Variants in ZC3H3 observed in about 807,000 individuals in gnomAD.
ZC3H3 encodes the protein zinc finger CCCH domain-containing protein 3.
A neutral mutation model predicts 77.3 loss-of-function variants in ZC3H3; 36 were observed. The observed-to-expected ratio is 0.47, with a 90% CI of 0.36 to 0.61. The LOEUF is 0.61. Ranked by LOEUF, ZC3H3 falls within the 20% of genes least tolerant of loss-of-function variation. ZC3H3 has a pLI of 0.00. For missense variants in ZC3H3, 1,331 were observed against 1,312.2 expected (o/e 1.01, Z -0.22); for synonymous variants, 626 against 555.2 (o/e 1.13, Z -1.79).
intron 3 of ZC3H3, among the ~76,000 whole-genome samples, chr8:143,532,134 T>C (rs1334808016): frequency 6.6e-6 from 1 of 152,272 alleles, no homozygotes; most frequent in African/African-American, 2.4e-5. Context: ...CCACTTGAAA[T>C]GAACAGGGGA....
At chr8:143,522,168 T>A (rs1416465359) in intron 3 of ZC3H3, among the ~76,000 whole-genome samples, 1 of 152,196 alleles carries the variant, frequency 6.6e-6, no homozygotes, top group Non-Finnish European at 1.5e-5. Flanking sequence ...TGTGGCCTCA[T>A]CAGAGCCTGG....
Position 143,440,177 on chromosome 8 carries a change from G to A in ZC3H3, c.2679C>T (p.Leu893=), listed in dbSNP as rs146768944. 70 of 1,612,078 alleles carry A rather than the reference G, an allele frequency of 4.3e-5. No homozygotes were observed. In the African/African-American group the frequency reaches 8.7e-4, roughly 20 times the overall value. Residue 893 remains leucine (L), a synonymous_variant, in exon 11 of 12, where the codon CTC becomes CTT. Transcript: ENST00000262577. Reference sequence around the variant, plus strand: ...ACGCTGCTGCTAAGGCAGCCTCCTGGAGAGATGGTGCCTCGTGGTCCAAGG... The same window carrying A: ...ACGCTGCTGCTAAGGCAGCCTCCTGAAGAGATGGTGCCTCGTGGTCCAAGG... ...PASLDHEAPS[L]QEAALAAACS...
At chr8:143,511,093 G>T (rs1240071641) in intron 3 of ZC3H3, among the ~76,000 whole-genome samples, 1 of 152,242 alleles carries the variant, frequency 6.6e-6, no homozygotes, top group Admixed American at 6.5e-5. Flanking sequence ...CATCAGCAGG[G>T]TTTGAGCTCT....
At chr8:143,451,651 G>A (rs1291752141) in intron 9 of ZC3H3, among the ~76,000 whole-genome samples, 2 of 152,010 alleles carry the variant, frequency 1.3e-5, no homozygotes, top group Non-Finnish European at 2.9e-5. Flanking sequence ...TTGCATGGTG[G>A]TGCACACCTG....
chr8:143,484,892 G>A (rs1017555595), intron 4 of ZC3H3: 6 of 455,366 alleles, frequency 1.3e-5, no homozygotes, highest in African/African-American at 1.0e-4. Context: ...TCAGCTCCCT[G>A]GAAAGGCGTG....
rs566613895 is a variant in ZC3H3, at chr8:143,538,598, G to C, written c.769C>G (p.Pro257Ala). 5.6e-6 allele frequency: 9 copies of C among 1,610,120 alleles called. No individual in the cohort carries two copies. The highest frequency in any genetic ancestry group is 3.3e-5 in the South Asian group (3 of 91,084). Residue 257 changes from proline to alanine, a missense_variant, in exon 2 of 12, where the codon CCA becomes GCA. Pro to Ala is a conservative substitution (Grantham distance 27). Coordinates refer to ENST00000262577, the MANE Select transcript of ZC3H3 (RefSeq NM_015117.3). ...ACTCTCCTGTCCCCAAGGAGCTGTG[G>C]AGCACAGCTGGCCACGGAATGAGAA... Reference protein sequence around the residue: ...LGSHSVASCAPQLLGDRRVDA... With the variant: ...LGSHSVASCAAQLLGDRRVDA...
At chr8:143,478,478 G>A (rs1226505172) in intron 4 of ZC3H3, among the ~76,000 whole-genome samples, 5 of 152,170 alleles carry the variant, frequency 3.3e-5, no homozygotes, top group Admixed American at 6.5e-5. Context: ...GGCCTGGCTG[G>A]GCACTACAGC....
At chr8:143,443,999 G>C (rs1399718324) in intron 9 of ZC3H3, among the ~76,000 whole-genome samples, 1 of 144,890 alleles carries the variant, frequency 6.9e-6, no homozygotes, top group African/African-American at 2.6e-5. Flanking sequence ...TTCTGAGACA[G>C]AGTCTTGCTC....
chr8:143,538,217 GGCTGGAGGCCTTCCACTTGTACTT>G lies in ZC3H3; in HGVS notation c.1126_1149del (p.Lys376_Ser383del), dbSNP rs1563889836. ...AAGGAGGAAGAGGAGGAGGCAGAGG[GGCTGGAGGCCTTCCACTTGTACTT>G]GCTGGGGGCAGACCCTGGCTTGGAG... On this transcript the variant is annotated inframe_deletion, in exon 2 of 12. Coordinates refer to ENST00000262577, the MANE Select transcript of ZC3H3 (RefSeq NM_015117.3). The G allele has an allele frequency of 1.2e-6, 2 of 1,613,028 alleles. No individual in the cohort carries two copies.
At chr8:143,464,101 C>T (rs1287652247) in intron 9 of ZC3H3, among the ~76,000 whole-genome samples, 6 of 152,270 alleles carry the variant, frequency 3.9e-5, no homozygotes, top group African/African-American at 9.6e-5. Context: ...AATTAACCCT[C>T]GCAGGCCCGG....
At chr8:143,513,098 T>C (rs1412248752) in intron 3 of ZC3H3, among the ~76,000 whole-genome samples, 2 of 151,942 alleles carry the variant, frequency 1.3e-5, no homozygotes, top group African/African-American at 4.8e-5. Flanking sequence ...CTGGGGGCAC[T>C]GGGAGTCAGG....
intron 9 of ZC3H3, among the ~76,000 whole-genome samples, chr8:143,448,656 G>A (rs922732151): frequency 1.3e-5 from 2 of 152,214 alleles, no homozygotes; most frequent in African/African-American, 2.4e-5. Context: ...CTGAGTGCCT[G>A]CAGCTTTTCC....
intron 4 of ZC3H3, among the ~76,000 whole-genome samples, chr8:143,483,506 C>T (rs1820965093): frequency 6.6e-6 from 1 of 152,134 alleles, no homozygotes; most frequent in African/African-American, 2.4e-5. Flanking sequence ...AGACAGAGTC[C>T]CTCATGGGAG....
chr8:143,481,271 G>C (rs557381126), intron 4 of ZC3H3, among the ~76,000 whole-genome samples: 1 of 152,212 alleles, frequency 6.6e-6, no homozygotes, highest in African/African-American at 2.4e-5. Context: ...AGTGGGGCCA[G>C]AGACCCTCAT....
Position 143,538,055 on chromosome 8 carries a change from C to G in ZC3H3, c.1312G>C (p.Ala438Pro), listed in dbSNP as rs754913575. ...KPLSGETPLS[A>P]YKVKSRTKII... The stretch of plus-strand genomic sequence containing the variant: ...TTGGTGCGGCTCTTCACTTTGTAAG[C>G]CGAGAGCGGGGTCTCCCCAGAGAGG... The change falls in exon 2 of 12, where the codon GCT becomes CCT. Residue 438 changes from alanine (A) to proline (P), a missense_variant. Transcript: ENST00000262577. The G allele has an allele frequency of 6.2e-7, 1 of 1,612,226 alleles. No homozygotes were observed. The highest frequency in any genetic ancestry group is 1.1e-5 in the South Asian group (1 of 90,968).
At chr8:143,484,709 G>A (rs1047402684) in intron 4 of ZC3H3, 6 of 248,196 alleles carry the variant, frequency 2.4e-5, no homozygotes, top group Non-Finnish European at 2.5e-5. Flanking sequence ...CTGGGTCATC[G>A]GCCCAGGACC....
rs1823015131 is a variant in ZC3H3 at position 143,541,424 on chromosome 8, C to A, written c.-3G>T. ...CGTAATATCTCCTTTTCCTCCATCTCCCGAGTCCGCGACGGCCGGCCAGGC... is the reference window on the plus strand; with the variant it reads ...CGTAATATCTCCTTTTCCTCCATCTACCGAGTCCGCGACGGCCGGCCAGGC... On this transcript the variant is annotated 5_prime_UTR_variant, in exon 1 of 12. Transcript: ENST00000262577. The A allele has an allele frequency of 1.9e-6, 3 of 1,611,640 alleles. No individual in the cohort carries two copies. Among genetic ancestry groups the A allele is most frequent in the Non-Finnish European group, 2.5e-6 (3 of 1,179,386 alleles).
chr8:143,522,755 C>CA (rs944051275), intron 3 of ZC3H3, among the ~76,000 whole-genome samples: 3 of 151,804 alleles, frequency 2.0e-5, no homozygotes, highest in Non-Finnish European at 4.4e-5. Flanking sequence ...CCTGTCTCTA[C>CA]AAAAAAAAGA....
Position 143,501,136 on chromosome 8 carries a change from A to C in ZC3H3, c.1715+6610T>G, listed in dbSNP as rs444753. Among the ~76,000 whole-genome samples, 1,285 of 151,314 alleles carry C rather than the reference A, an allele frequency of 8.5e-3. 9 individuals carry two copies. Among genetic ancestry groups the C allele is most frequent in the African/African-American group, 0.03 (1,217 of 41,200 alleles). On this transcript the variant is annotated intron_variant, in intron 4 of 11. Transcript: ENST00000262577. The stretch of plus-strand genomic sequence containing the variant: ...CCGGCCATGTCTGTTAGATGTCAAC[A>C]TAAGTTTTGGAGGAGACATTCAACA...
Sources: allele counts gnomAD v4.1 joint callset (sites outside exome capture counted in the v4.1 genomes callset), GRCh38; gene constraint gnomAD v4.1.1; transcripts MANE v1.5; gene names NCBI Gene and HGNC (gene_info 2026-07-23, HGNC 2026-07-21).